Variants in RALYL observed in about 807,000 individuals in gnomAD.
The protein encoded by RALYL is RNA-binding Raly-like protein.
In RALYL, 29 loss-of-function variants were observed where a neutral mutation model predicts 35.1. The ratio of observed to expected loss-of-function variants is 0.83; its 90% CI spans 0.61 to 1.13. RALYL has a LOEUF of 1.13. Among genes scored for constraint, RALYL ranks in the 50% most tolerant of loss-of-function variants. The pLI, the probability that RALYL is intolerant of heterozygous loss-of-function variation, is 0.00. For missense variants in RALYL, 359 were observed against 360.4 expected, an observed-to-expected ratio of 1.00 and a Z score of 0.03; for synonymous variants, 120 against 127.6, an observed-to-expected ratio of 0.94 and a Z score of 0.40.
At chr8:84,720,450 A>G (rs772519186) in intron 2 of RALYL, among the ~76,000 whole-genome samples, 1 of 152,182 alleles carries the variant, frequency 6.6e-6, no homozygotes, top group African/African-American at 2.4e-5. Flanking sequence ...GAATATGTAC[A>G]TTTAGAAGAC....
intron 1 of RALYL, among the ~76,000 whole-genome samples, chr8:84,461,127 A>T (rs2050721210): frequency 6.6e-6 from 1 of 151,604 alleles, no homozygotes; most frequent in Non-Finnish European, 1.5e-5. Flanking sequence ...TAAAGGAGAA[A>T]AATTTCTAAA....
intron 1 of RALYL, among the ~76,000 whole-genome samples, chr8:84,261,361 T>C (rs1832269359): frequency 6.6e-6 from 1 of 152,180 alleles, no homozygotes; most frequent in African/African-American, 2.4e-5. Context: ...AATAGAATCA[T>C]GGGGGCGGTT....
chr8:84,754,124 A>G (rs971043240), intron 2 of RALYL, among the ~76,000 whole-genome samples: 1 of 151,926 alleles, frequency 6.6e-6, no homozygotes, highest in Non-Finnish European at 1.5e-5. Context: ...CTTTTGCTGC[A>G]CAGAAGCTCT....
intron 1 of RALYL, among the ~76,000 whole-genome samples, chr8:84,191,170 G>C (rs1813764917): frequency 8.1e-6 from 1 of 123,912 alleles, no homozygotes; most frequent in Admixed American, 8.7e-5. Context: ...TATGTGTCGT[G>C]TGTGTGTGTG....
intron 4 of RALYL, among the ~76,000 whole-genome samples, chr8:84,834,220 G>A (rs1831492985): frequency 6.6e-6 from 1 of 152,156 alleles, no homozygotes. Context: ...ATACAACACA[G>A]CCTAAACTGG....
intron 1 of RALYL, among the ~76,000 whole-genome samples, chr8:84,272,465 G>T (rs757404410): frequency 2.0e-5 from 3 of 152,126 alleles, no homozygotes; most frequent in Non-Finnish European, 4.4e-5. Flanking sequence ...AAACTAGCAG[G>T]CTGCTGCTAC....
intron 1 of RALYL, among the ~76,000 whole-genome samples, chr8:84,305,585 GTTGT>G (rs1450974779): frequency 6.6e-6 from 1 of 152,088 alleles, no homozygotes; most frequent in Non-Finnish European, 1.5e-5. Context: ...GCTGTTTTTT[GTTGT>G]TTGTACATAA....
At chr8:84,448,023 T>C (rs2049035906) in intron 1 of RALYL, among the ~76,000 whole-genome samples, 1 of 152,022 alleles carries the variant, frequency 6.6e-6, no homozygotes, top group Admixed American at 6.6e-5. Flanking sequence ...TGCCTGGTAA[T>C]CTTTGAGAGA....
chr8:84,266,154 T>A (rs2131871430), intron 1 of RALYL, among the ~76,000 whole-genome samples: 1 of 152,298 alleles, frequency 6.6e-6, no homozygotes, highest in Non-Finnish European at 1.5e-5. Flanking sequence ...GAAATCATCT[T>A]ACCTAGCCAA....
At chr8:84,650,474 C>T (rs1292380487) in intron 2 of RALYL, among the ~76,000 whole-genome samples, 6 of 152,168 alleles carry the variant, frequency 3.9e-5, no homozygotes, top group East Asian at 1.9e-4. Context: ...TGAAAAAATG[C>T]TCACCATCAC....
chr8:84,309,424 TA>T (rs1436272917), intron 1 of RALYL, among the ~76,000 whole-genome samples: 3 of 150,936 alleles, frequency 2.0e-5, no homozygotes, highest in Non-Finnish European at 3.0e-5. Context: ...ATAACAAAAT[TA>T]AAAAGTAAGA....
At chr8:84,773,083 T>G (rs1353083224) in intron 2 of RALYL, among the ~76,000 whole-genome samples, 1 of 152,172 alleles carries the variant, frequency 6.6e-6, no homozygotes, top group Non-Finnish European at 1.5e-5. Context: ...CTCACATTCT[T>G]TAACCTGGGC....
intron 1 of RALYL, among the ~76,000 whole-genome samples, chr8:84,337,331 T>C (rs1233627823): frequency 7.2e-6 from 1 of 137,966 alleles, no homozygotes; most frequent in Non-Finnish European, 1.6e-5. Context: ...AATGAATTGT[T>C]TTTTTTTTTT....
chr8:84,849,703 C>T (rs1835425248), intron 4 of RALYL, among the ~76,000 whole-genome samples: 1 of 151,864 alleles, frequency 6.6e-6, no homozygotes, highest in Admixed American at 6.6e-5. Flanking sequence ...GGACTACAGG[C>T]GCCCGAAAAG....
At chr8:84,582,337 G>GT (rs756464542) in intron 2 of RALYL, among the ~76,000 whole-genome samples, 1 of 151,904 alleles carries the variant, frequency 6.6e-6, no homozygotes. Flanking sequence ...TATAACAAAC[G>GT]TAACTCATTT....
chr8:84,190,735 A>C (rs941448536), intron 1 of RALYL, among the ~76,000 whole-genome samples: 1 of 152,210 alleles, frequency 6.6e-6, no homozygotes, highest in African/African-American at 2.4e-5. Flanking sequence ...GGATTAAATG[A>C]CCAATGTGCA....
In RALYL at chr8:84,887,611, G is replaced by T. The variant is rs551280537; in HGVS notation, c.693G>T (p.Gln231His). ...GCTTTCTCCCCCCCCCAGAAGCTCA[G>T]AAGAAGCAATTGGAAGAGAGTCTAG... ...EKQQKAEAEA[Q>H]KKQLEESLVL... The change falls in exon 8 of 9, where the codon CAG becomes CAT. Residue 231 changes from glutamine to histidine, a missense_variant. Transcript: ENST00000521268. 2 of 1,606,416 alleles carry T rather than the reference G, an allele frequency of 1.2e-6. No individual in the cohort carries two copies. Among genetic ancestry groups the T allele is most frequent in the Admixed American group, 3.4e-5 (2 of 58,414 alleles).
chr8:84,715,523 A>T (rs1842831709), intron 2 of RALYL, among the ~76,000 whole-genome samples: 1 of 152,008 alleles, frequency 6.6e-6, no homozygotes, highest in Admixed American at 6.6e-5. Context: ...CCTTTAAATC[A>T]TATAGAAACA....
chr8:84,751,783 G>A (rs1810096092), intron 2 of RALYL, among the ~76,000 whole-genome samples: 1 of 152,092 alleles, frequency 6.6e-6, no homozygotes. Flanking sequence ...AAAGTTTCCT[G>A]AGGCCTCCCA....
Sources: allele counts gnomAD v4.1 joint callset (sites outside exome capture counted in the v4.1 genomes callset), GRCh38; gene constraint gnomAD v4.1.1; transcripts MANE v1.5; gene names NCBI Gene and HGNC (gene_info 2026-07-23, HGNC 2026-07-21).